Variants in PCDHGA4 observed in about 807,000 individuals in gnomAD.
The protein encoded by PCDHGA4 is protocadherin gamma subfamily A, 4, also known as protocadherin gamma-A4.
In PCDHGA4, 38 loss-of-function variants were observed where a neutral mutation model predicts 54.6. That is an observed-to-expected ratio of 0.70 (90% CI 0.54 to 0.91). PCDHGA4 has a LOEUF of 0.91. Among genes scored for constraint, PCDHGA4 ranks in the 40% least tolerant of loss-of-function variants. The pLI, the probability that PCDHGA4 is intolerant of heterozygous loss-of-function variation, is 0.00. For missense variants in PCDHGA4, 1,298 were observed against 1,220.9 expected (o/e 1.06, Z -0.94); for synonymous variants, 511 against 512.9 (o/e 1.00, Z 0.05).
chr5:141,485,340 C>A lies in PCDHGA4; in HGVS notation c.2515-9467C>A. 1 of 1,614,076 alleles carries A rather than the reference C, an allele frequency of 6.2e-7. No individual in the cohort carries two copies. On this transcript the variant is annotated intron_variant, in intron 1 of 3. Transcript: ENST00000571252. The surrounding 1 kb of genome is among the most constrained non-coding windows in gnomAD (Gnocchi z 5.7). ...GTCGCTCAAGATTTCCTGCTGGATA[C>A]GGACAGTCTGTCAGCTCGCAGGCTG...
At chr5:141,434,265 GA>G (rs2097683598) in intron 1 of PCDHGA4, among the ~76,000 whole-genome samples, 1 of 152,186 alleles carries the variant, frequency 6.6e-6, no homozygotes, top group South Asian at 2.1e-4. Context: ...GGGGGAGGTG[GA>G]AATTAGAGGT....
At chr5:141,364,790 C>T (rs796800411) in intron 1 of PCDHGA4, 2 of 1,614,014 alleles carry the variant, frequency 1.2e-6, no homozygotes, top group Admixed American at 1.7e-5. Flanking sequence ...ACGGTTAGTG[C>T]TTCCCTTCGC....
rs1191643556 is a variant in PCDHGA4 at position 141,486,302 on chromosome 5, C to A, written c.2515-8505C>A. On this transcript the variant is annotated intron_variant, in intron 1 of 3. Transcript: ENST00000571252. The surrounding 1 kb of genome is among the most constrained non-coding windows in gnomAD (Gnocchi z 5.0). ...GGTGGCACTTATCAGTGTGCAGGAT[C>A]CAGACTCAGGGTCAAACGGAGATGT... The A allele has an allele frequency of 6.2e-7, 1 of 1,614,036 alleles. No individual in the cohort carries two copies. The highest frequency in any genetic ancestry group is 8.5e-7 in the Non-Finnish European group (1 of 1,179,994).
At chr5:141,461,893 G>A (rs2099025951) in intron 1 of PCDHGA4, among the ~76,000 whole-genome samples, 1 of 151,772 alleles carries the variant, frequency 6.6e-6, no homozygotes, top group African/African-American at 2.4e-5. Context: ...GCACGATCTC[G>A]GCTCACTGCA....
intron 1 of PCDHGA4, chr5:141,430,886 T>C: frequency 6.2e-7 from 1 of 1,605,190 alleles, no homozygotes; most frequent in Non-Finnish European, 8.5e-7. Context: ...GGAGAAAGGC[T>C]CTAGGGTGGG....
chr5:141,487,812 T>A lies in PCDHGA4; in HGVS notation c.2515-6995T>A. ...TAACCAGAGTTGTCACAGTTTAGCA[T>A]TGGGGGCGGGTCATGCCTATATCTG... On this transcript the variant is annotated intron_variant, in intron 1 of 3. Coordinates refer to ENST00000571252, the MANE Select transcript of PCDHGA4 (RefSeq NM_018917.4). The surrounding 1 kb of genome is among the most constrained non-coding windows in gnomAD (Gnocchi z 5.0). 1 of 1,408,206 alleles carries A rather than the reference T, an allele frequency of 7.1e-7. No individual in the cohort carries two copies. The highest frequency in any genetic ancestry group is 9.7e-7 in the Non-Finnish European group (1 of 1,036,248). 87.2% of individuals were successfully genotyped at this position (1,408,206 alleles called of 1,614,324 possible). A position where few individuals can be genotyped will look rare whatever the true frequency, so the allele number is the denominator to read the frequency against.
At position 141,430,558 on chromosome 5, in the gene PCDHGA4, G is replaced by A. The variant is rs1472516429; in HGVS notation, c.2515-64249G>A. 2.2e-5 allele frequency: 9 copies of A among 417,488 alleles called. No homozygotes were observed. In the East Asian group the frequency reaches 3.3e-4, roughly 15 times the overall value. The allele number at this position is 417,488 out of a possible 1,614,324, so 25.9% of individuals were successfully genotyped here. On this transcript the variant is annotated intron_variant, in intron 1 of 3. Transcript: ENST00000571252. ...TCTGAGCGCCGCTGTTCACCAATCGGGGAGAGAAAAGCGGAGATCCTGCTC... is the reference window on the plus strand; with the variant it reads ...TCTGAGCGCCGCTGTTCACCAATCGAGGAGAGAAAAGCGGAGATCCTGCTC...
rs1415142555 is a variant in PCDHGA4, at chr5:141,476,011, A to G, written c.2515-18796A>G. The G allele has an allele frequency of 7.6e-7, 1 of 1,311,282 alleles. No individual in the cohort carries two copies. The highest frequency in any genetic ancestry group is 1.0e-6 in the Non-Finnish European group (1 of 962,238). 81.2% of individuals were successfully genotyped at this position (1,311,282 alleles called of 1,614,324 possible). ...GCAAATCAACGGCATCCAGAAAGCC[A>G]TGTCGGACTCGGCGCCCAGCGCCCA... On this transcript the variant is annotated intron_variant, in intron 1 of 3. Coordinates refer to ENST00000571252, the MANE Select transcript of PCDHGA4 (RefSeq NM_018917.4). This position sits in a 1 kb window ranked among gnomAD's most constrained non-coding sequence, Gnocchi z 7.6.
At chr5:141,371,894 G>A in intron 1 of PCDHGA4, 4 of 1,613,426 alleles carry the variant, frequency 2.5e-6, no homozygotes, top group Non-Finnish European at 3.4e-6. Flanking sequence ...AGCCGCGGGA[G>A]CTGTCGTCCT....
At chr5:141,382,654 A>G in intron 1 of PCDHGA4, 1 of 413,618 alleles carries the variant, frequency 2.4e-6, no homozygotes, top group Non-Finnish European at 4.3e-6. Flanking sequence ...CTTAGTAAGG[A>G]CTCACAGCGC....
intron 1 of PCDHGA4, chr5:141,370,309 A>G: frequency 8.1e-7 from 1 of 1,240,254 alleles, no homozygotes; most frequent in South Asian, 1.6e-5. Flanking sequence ...GACAAAGCAA[A>G]TAGTTGGTCC....
At chr5:141,370,820 C>CA in intron 1 of PCDHGA4, 1 of 1,614,062 alleles carries the variant, frequency 6.2e-7, no homozygotes, top group Non-Finnish European at 8.5e-7. Flanking sequence ...AGCTGGAAAT[C>CA]AGCGAACTGG....
At chr5:141,464,131 G>C (rs982496493) in intron 1 of PCDHGA4, among the ~76,000 whole-genome samples, 19 of 152,056 alleles carry the variant, frequency 1.2e-4, no homozygotes, top group Admixed American at 2.0e-4. Flanking sequence ...TGGGTGTGGT[G>C]GTGGGCGCCT....
intron 1 of PCDHGA4, among the ~76,000 whole-genome samples, chr5:141,483,015 G>A (rs916071219): frequency 2.0e-5 from 3 of 152,044 alleles, no homozygotes; most frequent in African/African-American, 7.2e-5. Context: ...AACCCGGGAG[G>A]CAGAGGTTGC....
chr5:141,410,158 G>A (rs755466762), intron 1 of PCDHGA4: 1 of 1,613,398 alleles, frequency 6.2e-7, no homozygotes, highest in Admixed American at 1.7e-5. Flanking sequence ...GTGGACAGCC[G>A]CCACTCTCTG....
chr5:141,432,991 C>G lies in PCDHGA4; in HGVS notation c.2515-61816C>G, dbSNP rs1269992849. ...CGGCGTCGCACTTTGTGGGCGTGGACGGGGTGCAGGCTTTCCTGCAGACCT... is the reference window on the plus strand; with the variant it reads ...CGGCGTCGCACTTTGTGGGCGTGGAGGGGGTGCAGGCTTTCCTGCAGACCT... On this transcript the variant is annotated intron_variant, in intron 1 of 3. Transcript: ENST00000571252. The surrounding 1 kb of genome is among the most constrained non-coding windows in gnomAD (Gnocchi z 6.0). The G allele has an allele frequency of 6.2e-7, 1 of 1,614,200 alleles. No homozygotes were observed. Among genetic ancestry groups the G allele is most frequent in the Admixed American group, 1.7e-5 (1 of 60,032 alleles).
At chr5:141,395,135 C>A (rs2093181761) in intron 1 of PCDHGA4, 3 of 1,614,104 alleles carry the variant, frequency 1.9e-6, no homozygotes, top group Non-Finnish European at 2.5e-6. Flanking sequence ...CCCAGCCCAA[C>A]TACGCAGACA....
intron 1 of PCDHGA4, chr5:141,403,792 A>G: frequency 1.2e-6 from 2 of 1,613,922 alleles, no homozygotes; most frequent in African/African-American, 1.3e-5. Context: ...TGGCATACAA[A>G]TTCTGGAAAA....
chr5:141,384,259 C>T, intron 1 of PCDHGA4: 2 of 1,613,886 alleles, frequency 1.2e-6, no homozygotes, highest in African/African-American at 1.3e-5. Flanking sequence ...CACCTTCCCC[C>T]ACTCATCCTA....
Sources: gnomAD v4.1 joint callset for allele counts (sites outside exome capture counted in the v4.1 genomes callset) on GRCh38, gnomAD v4.1.1 for gene constraint, Gnocchi (gnomAD v3.1) non-coding constraint, MANE v1.5 for transcripts, NCBI Gene and HGNC (gene_info 2026-07-23, HGNC 2026-07-21) for gene names.